STAT3: variants seen among roughly 807,000 people sequenced by gnomAD.
STAT3 encodes DNA-binding protein APRF.
A neutral mutation model predicts 114.3 loss-of-function variants in STAT3; 7 were observed. The observed-to-expected ratio is 0.06, with a 90% CI of 0.03 to 0.11. The LOEUF (loss-of-function observed/expected upper bound fraction) is 0.11. Among genes scored for constraint, STAT3 ranks in the 10% least tolerant of loss-of-function variants. The pLI, the probability that STAT3 is intolerant of heterozygous loss-of-function variation, is 1.00. For synonymous variants in STAT3, 331 were observed against 354.5 expected (o/e 0.93, Z 0.74); for missense variants, 364 against 960.9 (o/e 0.38, Z 8.21).
chr17:42,340,176 G>A (rs142439438), intron 4 of STAT3, among the ~76,000 whole-genome samples: 44 of 151,972 alleles, frequency 2.9e-4, no homozygotes, highest in Admixed American at 2.0e-3. Context: ...TGACCGACAC[G>A]GAGAAACCCA....
intron 4 of STAT3, among the ~76,000 whole-genome samples, chr17:42,343,282 T>C (rs1296338871): frequency 6.6e-6 from 1 of 151,652 alleles, no homozygotes; most frequent in African/African-American, 2.4e-5. Context: ...AGAAAAAATG[T>C]CCCTGATTAT....
intron 21 of STAT3, among the ~76,000 whole-genome samples, chr17:42,321,879 G>A (rs976033915): frequency 2.6e-5 from 4 of 151,990 alleles, no homozygotes; most frequent in South Asian, 2.1e-4. Context: ...GCTGGAGTGC[G>A]GTGGCATGAT....
chr17:42,341,001 T>C (rs1288268984), intron 4 of STAT3, among the ~76,000 whole-genome samples: 1 of 151,994 alleles, frequency 6.6e-6, no homozygotes, highest in Non-Finnish European at 1.5e-5. Flanking sequence ...ACATCCAGTC[T>C]CTCTACCCCA....
Position 42,324,770 on chromosome 17 carries a change from G to A in STAT3, c.1541C>T (p.Ser514Phe). The change falls in exon 17 of 24, where the codon TCC becomes TTC. Residue 514 changes from serine (S) to phenylalanine (F), a missense_variant. By Grantham distance (155) the Ser-to-Phe change is radical. Coordinates refer to ENST00000264657, the MANE Select transcript of STAT3 (RefSeq NM_139276.3). The surrounding 1 kb of genome is among the most constrained non-coding windows in gnomAD (Gnocchi z 4.5). ...GATGCTCAGTCCTCGCTTGGTGGTG[G>A]AGGAGAACTGCCAGCTCAGGACCTC... The part of the protein sequence containing the change: ...VAEVLSWQFS[S>F]TTKRGLSIEQ... 1 of 1,614,176 alleles carries A rather than the reference G, an allele frequency of 6.2e-7. No homozygotes were observed. The highest frequency in any genetic ancestry group is 8.5e-7 in the Non-Finnish European group (1 of 1,180,030).
chr17:42,315,894 A>G (rs1437449517), intron 23 of STAT3, 94 bp from the exon 24 acceptor site: 35 of 1,607,292 alleles, frequency 2.2e-5, no homozygotes, highest in Non-Finnish European at 2.9e-5. Flanking sequence ...GGCCCAGGCT[A>G]CCACTGCTAT....
intron 15 of STAT3, chr17:42,325,272 G>A: frequency 1.8e-6 from 1 of 563,380 alleles, no homozygotes; most frequent in South Asian, 2.0e-5. Flanking sequence ...TCAGGCTGCA[G>A]TCGGAATATA....
intron 11 of STAT3, 106 bp from the exon 12 acceptor site, chr17:42,329,882 G>A: frequency 7.9e-7 from 1 of 1,262,868 alleles, no homozygotes; most frequent in South Asian, 1.3e-5. Context: ...CTGTGCTCCT[G>A]GGCATTTCTT....
At chr17:42,365,125 T>C (rs528294167) in intron 1 of STAT3, among the ~76,000 whole-genome samples, 83 of 152,312 alleles carry the variant, frequency 5.4e-4, no homozygotes, top group African/African-American at 2.0e-3. Context: ...CCTTTGAATC[T>C]AGCTAAGTCC....
intron 4 of STAT3, among the ~76,000 whole-genome samples, chr17:42,342,613 G>C (rs904284770): frequency 2.6e-5 from 4 of 152,122 alleles, no homozygotes; most frequent in African/African-American, 7.2e-5. Context: ...ACTGTTCTAA[G>C]CATTTTACAT....
chr17:42,380,249 C>T (rs1026783971), intron 1 of STAT3, among the ~76,000 whole-genome samples: 1 of 151,922 alleles, frequency 6.6e-6, no homozygotes, highest in African/African-American at 2.4e-5. Flanking sequence ...GTTGGGCAGG[C>T]TGGTCTTGAA....
At chr17:42,351,218 G>A (rs892688056) in intron 1 of STAT3, among the ~76,000 whole-genome samples, 2 of 151,006 alleles carry the variant, frequency 1.3e-5, no homozygotes, top group Non-Finnish European at 2.9e-5. Context: ...AAATGTTATT[G>A]CAACATATGA....
In STAT3 at chr17:42,346,798, AAAAC is replaced by A. The variant is rs1033666809; in HGVS notation, c.129-89_129-86del. The stretch of plus-strand genomic sequence containing the variant: ...GAAATCACCATCAAGAAAGAGGAAA[AAAAC>A]AAAAAAACAAAGCAAACCTGATGCT... On this transcript the variant is annotated intron_variant, in intron 2 of 23. Coordinates refer to ENST00000264657, the MANE Select transcript of STAT3 (RefSeq NM_139276.3). The A allele has an allele frequency of 2.0e-5, 32 of 1,589,704 alleles. No individual in the cohort carries two copies. In the African/African-American group the frequency reaches 3.9e-4, roughly 19 times the overall value.
At position 42,315,644 on chromosome 17, in the gene STAT3, G is replaced by A; in HGVS notation, c.*101C>T. ...ATTAAAAAAAATCTGGAACCACAAA[G>A]TTAGTAGTTTCAGATGATCTGGGGT... On this transcript the variant is annotated 3_prime_UTR_variant, in exon 24 of 24. Transcript: ENST00000264657. 1 of 1,249,916 alleles carries A rather than the reference G, an allele frequency of 8.0e-7. No individual in the cohort carries two copies. Among genetic ancestry groups the A allele is most frequent in the Non-Finnish European group, 1.2e-6 (1 of 850,044 alleles). 77.4% of individuals were successfully genotyped at this position (1,249,916 alleles called of 1,614,324 possible). A position where few individuals can be genotyped will look rare whatever the true frequency, so the allele number is the denominator to read the frequency against.
rs564619293 is a variant in STAT3 at position 42,332,074 on chromosome 17, C to T, written c.1050-543G>A. 8.6e-5 allele frequency among the ~76,000 whole-genome samples: 13 copies of T among 151,604 alleles called. No individual in the cohort carries two copies. In the East Asian group the frequency reaches 9.9e-4, roughly 12 times the overall value. ...TCTCAAGTAGCTGGGATTACAGGCG[C>T]GCGCCACCACGCTCAGCTAATTTTG... On this transcript the variant is annotated intron_variant, in intron 10 of 23. Transcript: ENST00000264657.
intron 2 of STAT3, 68 bp from the exon 3 acceptor site, chr17:42,346,781 C>T (rs1598441518): frequency 6.2e-7 from 1 of 1,610,440 alleles, no homozygotes; most frequent in Non-Finnish European, 8.5e-7. Flanking sequence ...CAGAAATCAC[C>T]ATCAAGAAAG....
Position 42,388,323 on chromosome 17 carries a change from C to T in STAT3, c.-68G>A. On this transcript the variant is annotated 5_prime_UTR_variant, in exon 1 of 24. Transcript: ENST00000264657. ...CGAGAGGCCGGGGCTGCGCGTGTGC[C>T]GGGGACGGGCGGCGAGGCTCCCTCA... 15 of 1,231,964 alleles carry T rather than the reference C, an allele frequency of 1.2e-5. No homozygotes were observed. Among genetic ancestry groups the T allele is most frequent in the Non-Finnish European group, 1.5e-5 (15 of 988,194 alleles). The allele number at this position is 1,231,964 out of a possible 1,614,324, so 76.3% of individuals were successfully genotyped here.
At chr17:42,319,698 A>T (rs1233680428) in intron 21 of STAT3, among the ~76,000 whole-genome samples, 4 of 151,938 alleles carry the variant, frequency 2.6e-5, no homozygotes, top group Admixed American at 2.6e-4. Context: ...GTAGAGAAGG[A>T]AGAGAGAAGA....
chr17:42,337,723 G>C lies in STAT3; in HGVS notation c.645+40C>G, dbSNP rs12721576. On this transcript the variant is annotated intron_variant, in intron 7 of 23. Coordinates refer to ENST00000264657, the MANE Select transcript of STAT3 (RefSeq NM_139276.3). The surrounding 1 kb of genome is among the most constrained non-coding windows in gnomAD (Gnocchi z 4.0). ...CAAGACGCTGAAATCCCGCAAGTGAGCGAGACACATGGGGGAAGTGGTCCG... is the reference window on the plus strand; with the variant it reads ...CAAGACGCTGAAATCCCGCAAGTGACCGAGACACATGGGGGAAGTGGTCCG... 23,211 of 1,612,774 alleles carry C rather than the reference G, an allele frequency of 0.014. 2,847 individuals carry two copies. In the African/African-American group the frequency reaches 0.27, roughly 19 times the overall value.
rs781724933 is a variant in STAT3, at chr17:42,329,763, C to T, written c.1123G>A (p.Val375Ile). The T allele has an allele frequency of 6.8e-6, 11 of 1,614,074 alleles. No individual in the cohort carries two copies. The highest frequency in any genetic ancestry group is 1.6e-4 in the Middle Eastern group (1 of 6,084). The change falls in exon 12 of 24, where the codon GTT becomes ATT. Residue 375 changes from valine (V) to isoleucine (I), a missense_variant. Val to Ile is a conservative substitution (Grantham distance 29). Transcript: ENST00000264657. ...TGAACTTACCCTCTGAGAGCTGCAA[C>T]GTCCCCAGAGTCTCTGTAAGAACAC... is the stretch of plus-strand genomic sequence containing the variant. ...KVCIDKDSGD[V>I]AALRGSRKFN...
Sources: allele counts gnomAD v4.1 joint callset (sites outside exome capture counted in the v4.1 genomes callset), GRCh38; gene constraint gnomAD v4.1.1; non-coding constraint Gnocchi (gnomAD v3.1); transcripts MANE v1.5; gene names NCBI Gene and HGNC (gene_info 2026-07-23, HGNC 2026-07-21).